ANKRD39: variants seen among roughly 807,000 people sequenced by gnomAD.
ANKRD39 encodes the protein ankyrin repeat domain 39, also known as ankyrin repeat domain-containing protein 39.
ANKRD39 carries 18 observed loss-of-function variants against 20.3 expected under a neutral mutation model. That is an observed-to-expected ratio of 0.89 (90% CI 0.61 to 1.32). The LOEUF is 1.32. Ranked by LOEUF, ANKRD39 falls within the 40% of genes most tolerant of loss-of-function variation. The pLI, the probability that ANKRD39 is intolerant of heterozygous loss-of-function variation, is 0.00. For missense variants in ANKRD39, 243 were observed against 250.7 expected (o/e 0.97, Z 0.21); for synonymous variants, 106 against 111.9 (o/e 0.95, Z 0.33).
In ANKRD39 at chr2:96,856,032, C is replaced by T. The variant is rs78795884; in HGVS notation, c.101-1591G>A. On this transcript the variant is annotated intron_variant, in intron 1 of 3. Coordinates refer to ENST00000393537, the MANE Select transcript of ANKRD39 (RefSeq NM_016466.6). ...ACAACAAAGAGTTACTGTAGTGAAGCGGATTAACAAATCTCACAGTTTCTT... is the reference window on the plus strand; with the variant it reads ...ACAACAAAGAGTTACTGTAGTGAAGTGGATTAACAAATCTCACAGTTTCTT... Among the ~76,000 whole-genome samples the T allele has an allele frequency of 3.7e-3, 565 of 151,816 alleles. 2 individuals are homozygous for T. The highest frequency in any genetic ancestry group is 0.013 in the African/African-American group (520 of 41,152).
chr2:96,848,573 T>G, intron 3 of ANKRD39, 129 bp from the exon 4 acceptor site: 1 of 1,240,294 alleles, frequency 8.1e-7, no homozygotes. Context: ...ACGCCTGTAA[T>G]CTCAGCACTT....
At chr2:96,855,834 G>C (rs929959645) in intron 1 of ANKRD39, among the ~76,000 whole-genome samples, 3 of 152,076 alleles carry the variant, frequency 2.0e-5, no homozygotes, top group Non-Finnish European at 4.4e-5. Context: ...AACAAAATTA[G>C]CCGGGCATGG....
chr2:96,849,711 G>A (rs777469747), intron 3 of ANKRD39, among the ~76,000 whole-genome samples: 1 of 152,044 alleles, frequency 6.6e-6, no homozygotes, highest in Non-Finnish European at 1.5e-5. Context: ...GGCTGGTCTC[G>A]AGCTCCTGAA....
intron 3 of ANKRD39, among the ~76,000 whole-genome samples, chr2:96,852,921 A>G (rs1232681842): frequency 6.6e-6 from 1 of 152,134 alleles, no homozygotes; most frequent in Non-Finnish European, 1.5e-5. Flanking sequence ...AGGAAAAGCA[A>G]TCGGTAAAGT....
intron 1 of ANKRD39, among the ~76,000 whole-genome samples, chr2:96,856,764 G>A (rs965438761): frequency 6.6e-6 from 1 of 152,202 alleles, no homozygotes; most frequent in South Asian, 2.1e-4. Context: ...GGTCTCTGAG[G>A]AGATGACATT....
At chr2:96,854,249 AAGGTAACCATC>A (rs2079852390) in intron 2 of ANKRD39, 78 bp downstream of exon 2, 1 of 1,314,208 alleles carries the variant, frequency 7.6e-7, no homozygotes, top group Non-Finnish European at 1.0e-6. Context: ...GAGGAGGTAA[AAGGTAACCATC>A]AGTCCCCCTC....
At chr2:96,853,669 G>A in intron 2 of ANKRD39, 65 bp from the exon 3 acceptor site, 1 of 1,504,430 alleles carries the variant, frequency 6.6e-7, no homozygotes, top group Non-Finnish European at 9.1e-7. Flanking sequence ...TGGTATAGAG[G>A]TGAGAGCATG....
At position 96,854,362 on chromosome 2, in the gene ANKRD39, G is replaced by A. The variant is rs143823472; in HGVS notation, c.180C>T (p.Pro60=). ...CCAGCGCAGTGTAGCCGGCCGAGTC[G>A]GGCTGACTTGGGTCCTCGGCCTTCT... ...LIQKAEDPSQ[P]DSAGYTALHY... The change falls in exon 2 of 4, where the codon CCC becomes CCT. Residue 60 remains proline (P), a synonymous_variant. Coordinates refer to ENST00000393537, the MANE Select transcript of ANKRD39 (RefSeq NM_016466.6). 674 of 1,613,918 alleles carry A rather than the reference G, an allele frequency of 4.2e-4. No individual in the cohort carries two copies. The highest frequency in any genetic ancestry group is 4.8e-4 in the South Asian group (44 of 91,080).
chr2:96,857,622 TC>T (rs1399096971), intron 1 of ANKRD39, among the ~76,000 whole-genome samples: 1 of 152,210 alleles, frequency 6.6e-6, no homozygotes, highest in Non-Finnish European at 1.5e-5. Context: ...GGGGAGGTCG[TC>T]CCCCGCTACT....
intron 3 of ANKRD39, among the ~76,000 whole-genome samples, chr2:96,851,279 C>A (rs1282393189): frequency 6.6e-6 from 1 of 152,128 alleles, no homozygotes; most frequent in African/African-American, 2.4e-5. Context: ...GCCTCAGCCT[C>A]CTGAGTAGCT....
intron 1 of ANKRD39, among the ~76,000 whole-genome samples, chr2:96,857,327 T>C (rs966906193): frequency 2.0e-5 from 3 of 152,232 alleles, no homozygotes; most frequent in Non-Finnish European, 4.4e-5. Context: ...TCTGTTCCTA[T>C]TGGCACCATA....
Position 96,848,181 on chromosome 2 carries a change from G to T in ANKRD39, c.*120C>A, listed in dbSNP as rs543128134. Reference sequence around the variant, plus strand: ...CTCGCTTCCACAGTGACCAGACTGGGGCTCTTCCTGGGTGGTCTGGCCTCA... The same window carrying T: ...CTCGCTTCCACAGTGACCAGACTGGTGCTCTTCCTGGGTGGTCTGGCCTCA... On this transcript the variant is annotated 3_prime_UTR_variant, in exon 4 of 4. Coordinates refer to ENST00000393537, the MANE Select transcript of ANKRD39 (RefSeq NM_016466.6). The T allele has an allele frequency of 1.0e-5, 14 of 1,401,976 alleles. No individual in the cohort carries two copies. In the East Asian group the frequency reaches 2.8e-4, roughly 28 times the overall value. 86.8% of individuals were successfully genotyped at this position (1,401,976 alleles called of 1,614,324 possible).
chr2:96,849,015 C>T (rs2079824098), intron 3 of ANKRD39, among the ~76,000 whole-genome samples: 1 of 152,190 alleles, frequency 6.6e-6, no homozygotes, highest in South Asian at 2.1e-4. Context: ...ACAAGTACAG[C>T]ACCTTGTATC....
In ANKRD39 at chr2:96,848,020, A is replaced by G. The variant is rs1408429707; in HGVS notation, c.*281T>C. 1.4e-5 allele frequency: 4 copies of G among 288,784 alleles called. No individual in the cohort carries two copies. Among genetic ancestry groups the G allele is most frequent in the African/African-American group, 6.4e-5 (3 of 47,096 alleles). 17.9% of individuals were successfully genotyped at this position (288,784 alleles called of 1,614,324 possible). On this transcript the variant is annotated 3_prime_UTR_variant, in exon 4 of 4. Transcript: ENST00000393537. ...TTATATTTAGATCTTTAATCTTGCAATTTATCTTTGGGTGTGGGATGAGGT... is the reference window on the plus strand; with the variant it reads ...TTATATTTAGATCTTTAATCTTGCAGTTTATCTTTGGGTGTGGGATGAGGT...
At chr2:96,853,351 T>C (rs2079846954) in intron 3 of ANKRD39, 50 bp downstream of exon 3, 1 of 1,532,374 alleles carries the variant, frequency 6.5e-7, no homozygotes, top group Non-Finnish European at 8.8e-7. Flanking sequence ...GAACATGTTA[T>C]AACTTTAAAA....
chr2:96,853,597 G>T lies in ANKRD39; in HGVS notation c.212C>A (p.Ala71Asp). 1 of 1,611,650 alleles carries T rather than the reference G, an allele frequency of 6.2e-7. No homozygotes were observed. The highest frequency in any genetic ancestry group is 8.5e-7 in the Non-Finnish European group (1 of 1,179,750). ...DSAGYTALHY[A>D]SRNGHYAVCQ... ...CACAGCGTAGTGCCCATTGCGGCTG[G>T]CATAGTGCTGCAGGGAACAGAGACC... The change falls in exon 3 of 4, where the codon GCC (alanine) becomes GAC (aspartate). Residue 71 changes from alanine (A) to aspartate (D), a missense_variant. Transcript: ENST00000393537.
rs1363597467 is a variant in ANKRD39 at position 96,848,358 on chromosome 2, C to CCGT, written c.492_494dup (p.Arg165dup). On this transcript the variant is annotated inframe_insertion, in exon 4 of 4. Coordinates refer to ENST00000393537, the MANE Select transcript of ANKRD39 (RefSeq NM_016466.6). ...TGCAAGGCAGCAGGTCACATGCTAG[C>CCGT]CGTGCCTTTCGGTCCCGGATGGCCT... 6.2e-7 allele frequency: 1 copy of CCGT among 1,614,072 alleles called. No individual in the cohort carries two copies. Among genetic ancestry groups the CCGT allele is most frequent in the African/African-American group, 1.3e-5 (1 of 74,922 alleles).
intron 3 of ANKRD39, among the ~76,000 whole-genome samples, chr2:96,849,953 C>A (rs1206720484): frequency 6.6e-6 from 1 of 152,204 alleles, no homozygotes; most frequent in African/African-American, 2.4e-5. Context: ...ATTTAACTTT[C>A]AAAATAGCCC....
intron 1 of ANKRD39, among the ~76,000 whole-genome samples, chr2:96,855,916 C>T (rs2079860765): frequency 6.6e-6 from 1 of 151,928 alleles, no homozygotes; most frequent in Non-Finnish European, 1.5e-5. Flanking sequence ...GGAGGTGGAG[C>T]TTGCAGTGAG....
Sources: allele counts gnomAD v4.1 joint callset (sites outside exome capture counted in the v4.1 genomes callset), GRCh38; gene constraint gnomAD v4.1.1; transcripts MANE v1.5; gene names NCBI Gene and HGNC (gene_info 2026-07-23, HGNC 2026-07-21).